The following CHIC2 variants were observed in gnomAD, a reference collection of about 807,000 sequenced individuals.
The protein encoded by CHIC2 is cysteine rich hydrophobic domain 2.
CHIC2 carries 14 observed loss-of-function variants against 25.9 expected under a neutral mutation model. That is an observed-to-expected ratio of 0.54 (90% confidence interval 0.36 to 0.85). The LOEUF (loss-of-function observed/expected upper bound fraction) is 0.85. CHIC2 is among the 40% of genes least tolerant of loss of function. The pLI is 0.01. For synonymous variants in CHIC2, 70 were observed against 72.0 expected, an observed-to-expected ratio of 0.97 and a Z score of 0.14; for missense variants, 146 against 202.0, an observed-to-expected ratio of 0.72 and a Z score of 1.68.
At chr4:54,019,971 A>C (rs1715849518) in intron 3 of CHIC2, among the ~76,000 whole-genome samples, 1 of 152,192 alleles carries the variant, frequency 6.6e-6, no homozygotes, top group Non-Finnish European at 1.5e-5. Flanking sequence ...ATATTAGAAA[A>C]ACTGTTCATA....
the CHIC2 span, among the ~76,000 whole-genome samples, chr4:54,074,490 T>C: frequency 1.3e-5 from 2 of 152,060 alleles, no homozygotes; most frequent in Non-Finnish European, 1.5e-5. Context: ...ATAATCATGT[T>C]GGCCTTCTCA....
intron 3 of CHIC2, among the ~76,000 whole-genome samples, chr4:54,016,439 G>T (rs1408596280): frequency 6.6e-6 from 1 of 152,014 alleles, no homozygotes; most frequent in African/African-American, 2.4e-5. Context: ...AAATATTTAA[G>T]TAGGAATTCT....
Position 54,055,519 on chromosome 4 carries a change from G to T in CHIC2, c.120-6214C>A, listed in dbSNP as rs183208300. Among the ~76,000 whole-genome samples, 35 of 152,282 alleles carry T rather than the reference G, an allele frequency of 2.3e-4. No individual in the cohort carries two copies. In the East Asian group the frequency reaches 6.8e-3, roughly 29 times the overall value. ...GAAGCTGATTTGGGGTGTAGATTAT[G>T]AATTCCATTTTGGATATTCTGGATT... On this transcript the variant is annotated intron_variant, in intron 1 of 5. Transcript: ENST00000263921.
chr4:54,084,703 G>A, the CHIC2 span, among the ~76,000 whole-genome samples: 7 of 152,000 alleles, frequency 4.6e-5, no homozygotes, highest in Non-Finnish European at 8.8e-5. Context: ...ACGTTGGGAG[G>A]CCAGGGCAGA....
chr4:54,028,596 T>C (rs1716129116), intron 3 of CHIC2, among the ~76,000 whole-genome samples: 2 of 152,244 alleles, frequency 1.3e-5, no homozygotes, highest in Admixed American at 6.5e-5. Flanking sequence ...CATAGGGTGT[T>C]ATGAAGATTA....
At chr4:54,043,140 G>A (rs548229223) in intron 3 of CHIC2, among the ~76,000 whole-genome samples, 21 of 152,176 alleles carry the variant, frequency 1.4e-4, no homozygotes, top group African/African-American at 3.9e-4. Context: ...ACCCTGTCTC[G>A]GCCAGGCGCG....
chr4:54,030,245 C>T (rs941680608), intron 3 of CHIC2, among the ~76,000 whole-genome samples: 2 of 151,998 alleles, frequency 1.3e-5, no homozygotes, highest in Admixed American at 6.6e-5. Flanking sequence ...TGGCCAGGTG[C>T]GGTGGCTCAT....
At chr4:54,014,999 C>G (rs1577961557) in intron 3 of CHIC2, among the ~76,000 whole-genome samples, 1 of 152,130 alleles carries the variant, frequency 6.6e-6, no homozygotes, top group African/African-American at 2.4e-5. Flanking sequence ...TACTAGTAAT[C>G]AAATATGAAA....
chr4:54,083,257 C>T, the CHIC2 span, among the ~76,000 whole-genome samples: 1 of 151,902 alleles, frequency 6.6e-6, no homozygotes, highest in African/African-American at 2.4e-5. Context: ...TCAGGTGATC[C>T]ACCCACCTCA....
At chr4:54,027,027 T>A (rs752605768) in intron 3 of CHIC2, among the ~76,000 whole-genome samples, 2 of 152,200 alleles carry the variant, frequency 1.3e-5, no homozygotes, top group East Asian at 1.9e-4. Flanking sequence ...CGGCCTTGAA[T>A]AATCAACTTA....
Position 54,015,192 on chromosome 4 carries a change from A to G in CHIC2, c.331-1073T>C, listed in dbSNP as rs115801219. On this transcript the variant is annotated intron_variant, in intron 3 of 5. Transcript: ENST00000263921. ...CACCAAAGTCACATAGATGCCAATT[A>G]TAATTCATAACTACCAATGAATTAC... is the stretch of plus-strand genomic sequence containing the variant. 5.6e-3 allele frequency among the ~76,000 whole-genome samples: 850 copies of G among 152,318 alleles called. 10 individuals are homozygous for G. Among genetic ancestry groups the G allele is most frequent in the African/African-American group, 0.019 (788 of 41,580 alleles).
At chr4:54,054,871 C>T (rs1717125249) in intron 1 of CHIC2, among the ~76,000 whole-genome samples, 1 of 152,030 alleles carries the variant, frequency 6.6e-6, no homozygotes, top group South Asian at 2.1e-4. Context: ...GTAAAGCCAT[C>T]GATAATTAGA....
At chr4:54,040,140 C>T (rs1716518299) in intron 3 of CHIC2, among the ~76,000 whole-genome samples, 1 of 151,832 alleles carries the variant, frequency 6.6e-6, no homozygotes, top group South Asian at 2.1e-4. Flanking sequence ...GTGGTGGTTA[C>T]AAAACTCTAT....
chr4:54,040,458 T>C (rs1464981536), intron 3 of CHIC2, among the ~76,000 whole-genome samples: 2 of 151,982 alleles, frequency 1.3e-5, no homozygotes, highest in Non-Finnish European at 2.9e-5. Context: ...CTCAGCACTT[T>C]GGGAGGCCGA....
intron 5 of CHIC2, among the ~76,000 whole-genome samples, chr4:54,011,556 T>TA (rs1433593971): frequency 3.9e-5 from 6 of 152,150 alleles, no homozygotes; most frequent in African/African-American, 1.4e-4. Flanking sequence ...ATTAAATAAA[T>TA]AATTTTGTAT....
the CHIC2 span, among the ~76,000 whole-genome samples, chr4:54,080,796 ATGG>A: frequency 2.6e-5 from 4 of 151,092 alleles, no homozygotes; most frequent in African/African-American, 9.7e-5. Context: ...AATGTACAGC[ATGG>A]TGACAATGGT....
chr4:54,064,678 C>G, upstream of CHIC2: 2 of 1,025,962 alleles, frequency 1.9e-6, no homozygotes, highest in Non-Finnish European at 2.3e-6. This position sits in a 1 kb window ranked among gnomAD's most constrained non-coding sequence, Gnocchi z 4.2. Flanking sequence ...GGCCAACGGG[C>G]GGGCGGGCGC....
intron 3 of CHIC2, among the ~76,000 whole-genome samples, chr4:54,022,717 C>A (rs1027086320): frequency 1.3e-4 from 20 of 152,064 alleles, no homozygotes; most frequent in Non-Finnish European, 2.4e-4. Flanking sequence ...CACCTCTACT[C>A]CCTCCCTAGC....
intron 3 of CHIC2, among the ~76,000 whole-genome samples, chr4:54,033,936 G>T (rs971799139): frequency 6.6e-6 from 1 of 151,802 alleles, no homozygotes; most frequent in Non-Finnish European, 1.5e-5. Context: ...ATTGGGTAGC[G>T]TTGGTTCTCC....
Sources: allele counts gnomAD v4.1 joint callset (sites outside exome capture counted in the v4.1 genomes callset), GRCh38; gene constraint gnomAD v4.1.1; non-coding constraint Gnocchi (gnomAD v3.1); transcripts MANE v1.5; gene names NCBI Gene and HGNC (gene_info 2026-07-23, HGNC 2026-07-21).